SLC12A8: variants seen among roughly 807,000 people sequenced by gnomAD.
SLC12A8 encodes solute carrier family 12 member 8.
In SLC12A8, 69 loss-of-function variants were observed where a neutral mutation model predicts 75.6. That is an observed-to-expected ratio of 0.91 (90% CI 0.75 to 1.11). The LOEUF is 1.11. Among genes scored for constraint, SLC12A8 ranks in the 50% most tolerant of loss-of-function variants. SLC12A8 has a pLI of 0.00. For missense variants in SLC12A8, 877 were observed against 896.7 expected, an observed-to-expected ratio of 0.98 and a Z score of 0.28; for synonymous variants, 365 against 372.8, an observed-to-expected ratio of 0.98 and a Z score of 0.24.
chr3:125,173,699 T>A (rs1429615547), intron 5 of SLC12A8, among the ~76,000 whole-genome samples: 1 of 152,134 alleles, frequency 6.6e-6, no homozygotes, highest in African/African-American at 2.4e-5. Context: ...AAGACACTGT[T>A]AAAAGAATGA....
At position 125,120,658 on chromosome 3, in the gene SLC12A8, G is replaced by GC. The variant is rs771481014; in HGVS notation, c.764dup (p.Asp256ArgfsTer43). ...TGCTGGCGGCAGGCTCCCTGAGGTC[G>GC]CCCCCCATGTTGAAGCCGGCCATGA... On this transcript the variant is annotated frameshift_variant, in exon 7 of 14. Transcript: ENST00000469902. LOFTEE classifies it high-confidence loss of function. 3.1e-6 allele frequency: 5 copies of GC among 1,613,294 alleles called. No homozygotes were observed. Among genetic ancestry groups the GC allele is most frequent in the South Asian group, 1.1e-5 (1 of 90,950 alleles).
chr3:125,155,802 A>ACAGTTG (rs1262536275), intron 5 of SLC12A8, among the ~76,000 whole-genome samples: 1 of 149,884 alleles, frequency 6.7e-6, no homozygotes, highest in Non-Finnish European at 1.5e-5. Context: ...GAGCAGGGTA[A>ACAGTTG]CAGTTGATGA....
At chr3:125,090,195 G>A (rs573877358) in intron 12 of SLC12A8, among the ~76,000 whole-genome samples, 10 of 151,994 alleles carry the variant, frequency 6.6e-5, no homozygotes, top group Non-Finnish European at 1.2e-4. Flanking sequence ...AGGTGTGTGC[G>A]AACTGTGCCT....
At chr3:125,148,552 A>G (rs188029280) in intron 5 of SLC12A8, among the ~76,000 whole-genome samples, 117 of 152,078 alleles carry the variant, frequency 7.7e-4, no homozygotes, top group African/African-American at 2.5e-3. Context: ...TTTAACTTTC[A>G]AATTTGCAAT....
chr3:125,125,366 T>C (rs1162297338), intron 6 of SLC12A8, among the ~76,000 whole-genome samples: 1 of 152,138 alleles, frequency 6.6e-6, no homozygotes, highest in East Asian at 1.9e-4. Flanking sequence ...GAGACCAGCC[T>C]GACCAACATT....
At position 125,161,680 on chromosome 3, in the gene SLC12A8, C is replaced by CAA. The variant is rs36098782; in HGVS notation, c.622+16061_622+16062dup. Among the ~76,000 whole-genome samples the CAA allele has an allele frequency of 4.3e-3, 611 of 143,292 alleles. 2 individuals carry two copies. Among genetic ancestry groups the CAA allele is most frequent in the Middle Eastern group, 0.011 (3 of 274 alleles). 94.0% of individuals were successfully genotyped at this position (143,292 alleles called of 152,430 possible). A position where few individuals can be genotyped will look rare whatever the true frequency, so the allele number is the denominator to read the frequency against. ...TAATATGAAGCACATGTACTTTTCTCAAAAAAAAAAAAAAAAATCTAAGGA... is the reference window on the plus strand; with the variant it reads ...TAATATGAAGCACATGTACTTTTCTCAAAAAAAAAAAAAAAAAAATCTAAGGA... On this transcript the variant is annotated intron_variant, in intron 5 of 13. Coordinates refer to ENST00000469902, the MANE Select transcript of SLC12A8 (RefSeq NM_024628.6).
In SLC12A8 at chr3:125,202,076, C is replaced by G. The variant is rs529674348; in HGVS notation, c.51+9223G>C. On this transcript the variant is annotated intron_variant, in intron 2 of 13. Transcript: ENST00000469902. ...GCACCTGCCTCCACACCCAGCTAAA[C>G]TTTTTTGTATTTTTGTAGAGACGGT... Among the ~76,000 whole-genome samples, 13 of 152,148 alleles carry G rather than the reference C, an allele frequency of 8.5e-5. No individual in the cohort carries two copies. The South Asian group carries it at 2.1e-3, about 24-fold the overall frequency.
chr3:125,158,742 A>G (rs1163172490), intron 5 of SLC12A8, among the ~76,000 whole-genome samples: 1 of 152,216 alleles, frequency 6.6e-6, no homozygotes, highest in Non-Finnish European at 1.5e-5. Context: ...CACCATGCAA[A>G]TTCACAGTTT....
chr3:125,090,831 T>C (rs1459763999), intron 12 of SLC12A8, among the ~76,000 whole-genome samples: 1 of 152,218 alleles, frequency 6.6e-6, no homozygotes, highest in Non-Finnish European at 1.5e-5. Context: ...AGGATTCTTG[T>C]AGGCAGCATA....
intron 5 of SLC12A8, among the ~76,000 whole-genome samples, chr3:125,160,376 A>G (rs1339155637): frequency 6.6e-6 from 1 of 152,286 alleles, no homozygotes; most frequent in Non-Finnish European, 1.5e-5. Context: ...CATATAAAGT[A>G]CAAAAAATCA....
At chr3:125,138,825 C>A (rs527255270) in intron 5 of SLC12A8, among the ~76,000 whole-genome samples, 1 of 149,752 alleles carries the variant, frequency 6.7e-6, no homozygotes, top group Non-Finnish European at 1.5e-5. Context: ...CTGGGCAACA[C>A]AGAAAGACCC....
chr3:125,199,898 T>C (rs1396855516), intron 2 of SLC12A8, among the ~76,000 whole-genome samples: 1 of 152,074 alleles, frequency 6.6e-6, no homozygotes, highest in East Asian at 1.9e-4. Flanking sequence ...GAAGGAAGTG[T>C]ATGTGTGCCA....
At chr3:125,149,784 A>G (rs1216035975) in intron 5 of SLC12A8, among the ~76,000 whole-genome samples, 1 of 152,112 alleles carries the variant, frequency 6.6e-6, no homozygotes, top group African/African-American at 2.4e-5. Context: ...GATTGGGGAG[A>G]AAAAACAGAG....
rs574834146 is a variant in SLC12A8 at position 125,120,598 on chromosome 3, C to T, written c.824+1G>A. ...GACTGATTGCCATGAGGGGAACTTA[C>T]GAGATGCCAACAGCTGCCAGGGAGC... is the stretch of plus-strand genomic sequence containing the variant. On this transcript the variant is annotated splice_donor_variant, in intron 7 of 13. Transcript: ENST00000469902. LOFTEE classifies it high-confidence loss of function. 4 of 1,611,272 alleles carry T rather than the reference C, an allele frequency of 2.5e-6. No individual in the cohort carries two copies. Among genetic ancestry groups the T allele is most frequent in the East Asian group, 2.2e-5 (1 of 44,850 alleles).
intron 10 of SLC12A8, among the ~76,000 whole-genome samples, chr3:125,100,690 G>A (rs1157847941): frequency 5.3e-5 from 8 of 149,554 alleles, no homozygotes; most frequent in Non-Finnish European, 8.9e-5. Flanking sequence ...TTACAGGCAC[G>A]AGCCACCATG....
At chr3:125,098,554 CCACACACACACACACA>C (rs3222429) in intron 10 of SLC12A8, among the ~76,000 whole-genome samples, 1 of 144,026 alleles carries the variant, frequency 6.9e-6, no homozygotes, top group East Asian at 2.0e-4. Flanking sequence ...TGAATCTTCT[CCACACACACACACACA>C]CACACACACA....
At chr3:125,090,814 A>G (rs531141985) in intron 12 of SLC12A8, among the ~76,000 whole-genome samples, 97 of 152,298 alleles carry the variant, frequency 6.4e-4, no homozygotes, top group African/African-American at 2.1e-3. Flanking sequence ...GTCTTTACAT[A>G]TAAAGAAGGA....
intron 5 of SLC12A8, among the ~76,000 whole-genome samples, chr3:125,158,176 C>CTT (rs1174881140): frequency 6.6e-6 from 1 of 151,906 alleles, no homozygotes; most frequent in East Asian, 1.9e-4. Context: ...CATTTCTCTG[C>CTT]TTATATTTGT....
chr3:125,126,841 A>G (rs6767532), intron 6 of SLC12A8, among the ~76,000 whole-genome samples: 2,557 of 151,454 alleles, frequency 0.017, 26 homozygotes, highest in Non-Finnish European at 0.026. Flanking sequence ...TTTCTTTCTT[A>G]TGAAGGTAGA....
Sources: allele counts gnomAD v4.1 joint callset (sites outside exome capture counted in the v4.1 genomes callset), GRCh38; gene constraint gnomAD v4.1.1; transcripts MANE v1.5; gene names NCBI Gene and HGNC (gene_info 2026-07-23, HGNC 2026-07-21).